The following SHANK2 variants were observed in gnomAD, a reference collection of about 807,000 sequenced individuals.
SHANK2 encodes SH3 and multiple ankyrin repeat domains 2.
Under a neutral mutation model 133.7 loss-of-function variants are expected in SHANK2, and 43 were observed. That is an observed-to-expected ratio of 0.32 (90% confidence interval 0.25 to 0.41). The LOEUF (loss-of-function observed/expected upper bound fraction) is 0.41. SHANK2 is among the 10% of genes least tolerant of loss of function. The probability of loss-of-function intolerance (pLI) is 1.00; values close to 1 mark genes in which losing one functional copy is unlikely to be tolerated. For missense variants in SHANK2, 1,994 were observed against 2,235.8 expected (o/e 0.89, Z 2.18); for synonymous variants, 1,017 against 952.8 (o/e 1.07, Z -1.24).
intron 10 of SHANK2, among the ~76,000 whole-genome samples, chr11:70,937,505 G>A (rs1205507375): frequency 2.0e-5 from 3 of 152,216 alleles, no homozygotes; most frequent in Non-Finnish European, 1.5e-5. Flanking sequence ...AACTTCCTGA[G>A]GACATTTACC....
intron 11 of SHANK2, among the ~76,000 whole-genome samples, chr11:70,865,286 G>C (rs1162628685): frequency 6.6e-6 from 1 of 152,116 alleles, no homozygotes. Flanking sequence ...TCTAGGGTCT[G>C]GCTGGCAGAC....
chr11:70,822,970 G>A (rs1339804261), intron 11 of SHANK2, among the ~76,000 whole-genome samples: 1 of 124,598 alleles, frequency 8.0e-6, no homozygotes. Context: ...GGGGACAGAG[G>A]TGGCGCTGGC....
At chr11:70,802,157 A>G (rs1948060371) in intron 13 of SHANK2, among the ~76,000 whole-genome samples, 1 of 152,140 alleles carries the variant, frequency 6.6e-6, no homozygotes, top group Non-Finnish European at 1.5e-5. Context: ...CCTGGCTAGA[A>G]AGAAGGTTCA....
chr11:70,606,123 C>G (rs373006290), intron 17 of SHANK2, among the ~76,000 whole-genome samples: 1 of 152,104 alleles, frequency 6.6e-6, no homozygotes, highest in Non-Finnish European at 1.5e-5. Context: ...GGAAGGTCAT[C>G]CAGAGCCACC....
intron 11 of SHANK2, among the ~76,000 whole-genome samples, chr11:70,844,314 T>C (rs1465774435): frequency 1.3e-5 from 2 of 152,018 alleles, no homozygotes; most frequent in Non-Finnish European, 2.9e-5. Flanking sequence ...GTTCAGTTTC[T>C]ACCTGAAATT....
At chr11:70,894,624 C>G (rs1949906241) in intron 11 of SHANK2, among the ~76,000 whole-genome samples, 1 of 152,168 alleles carries the variant, frequency 6.6e-6, no homozygotes, top group Admixed American at 6.5e-5. Flanking sequence ...ATGTGGAGAG[C>G]TGGGATAAGG....
chr11:70,834,277 A>C (rs1590739581), intron 11 of SHANK2, among the ~76,000 whole-genome samples: 1 of 152,232 alleles, frequency 6.6e-6, no homozygotes, highest in Non-Finnish European at 1.5e-5. Context: ...GGGAAGACAC[A>C]GGGGAGCACC....
intron 7 of SHANK2, among the ~76,000 whole-genome samples, chr11:71,093,836 A>T (rs1555094683): frequency 6.6e-6 from 1 of 152,192 alleles, no homozygotes; most frequent in Non-Finnish European, 1.5e-5. Context: ...GACTTTAGGG[A>T]CAGCGAGGCC....
intron 11 of SHANK2, among the ~76,000 whole-genome samples, chr11:70,889,483 C>T (rs1314090946): frequency 6.6e-6 from 1 of 152,206 alleles, no homozygotes; most frequent in Admixed American, 6.5e-5. Context: ...TCCCTGGGTC[C>T]TGAGCAGGCC....
chr11:71,165,711 C>T (rs1161148912), intron 2 of SHANK2, among the ~76,000 whole-genome samples: 1 of 152,150 alleles, frequency 6.6e-6, no homozygotes, highest in Non-Finnish European at 1.5e-5. Flanking sequence ...TGAAATACCC[C>T]CAAGTGAAAC....
chr11:70,894,589 A>G (rs1181598226), intron 11 of SHANK2, among the ~76,000 whole-genome samples: 3 of 152,190 alleles, frequency 2.0e-5, no homozygotes, highest in African/African-American at 7.2e-5. Context: ...GGTCAGGGGT[A>G]GCAGCCCCAA....
intron 2 of SHANK2, among the ~76,000 whole-genome samples, chr11:71,157,615 C>T (rs1952930258): frequency 6.6e-6 from 1 of 152,132 alleles, no homozygotes; most frequent in South Asian, 2.1e-4. Context: ...AATTGGGCCT[C>T]AGTGGGTTTC....
At position 70,473,378 on chromosome 11, in the gene SHANK2, G is replaced by A. The variant is rs1555149292; in HGVS notation, c.5041C>T (p.Arg1681Cys). ...TRSTTVTFTV[R>C]PGTSQPITLQ... The stretch of plus-strand genomic sequence containing the variant: ...GTGATGGGCTGGGAGGTGCCGGGGC[G>A]AACAGTGAAGGTGACCGTCGTGCTC... Residue 1681 changes from arginine to cysteine, a missense_variant, in exon 26 of 26, where the codon CGC becomes TGC. By Grantham distance (180) the Arg-to-Cys change is radical. This residue lies in a region of SHANK2 where 797 missense variants were observed against 907.4 expected (regional missense o/e 0.88). Transcript: ENST00000601538. This position sits in a 1 kb window ranked among gnomAD's most constrained non-coding sequence, Gnocchi z 5.9. 10 of 1,611,424 alleles carry A rather than the reference G, an allele frequency of 6.2e-6. No individual in the cohort carries two copies. The highest frequency in any genetic ancestry group is 2.2e-5 in the East Asian group (1 of 44,874).
At chr11:70,942,719 A>G (rs1555084595) in intron 10 of SHANK2, 15 of 456,446 alleles carry the variant, frequency 3.3e-5, no homozygotes. Context: ...TAAGTATCTC[A>G]CCAAGCATCA....
At chr11:71,211,642 CAAAAA>C (rs35529960) in intron 2 of SHANK2, among the ~76,000 whole-genome samples, 1 of 117,982 alleles carries the variant, frequency 8.5e-6, no homozygotes, top group Non-Finnish European at 1.9e-5. Flanking sequence ...TGAGCATTTG[CAAAAA>C]AAAAAAAAAA....
chr11:70,556,653 G>A lies in SHANK2; in HGVS notation c.2062-53722C>T, dbSNP rs1021497107. 4.0e-5 allele frequency among the ~76,000 whole-genome samples: 6 copies of A among 150,336 alleles called. No individual in the cohort carries two copies. The South Asian group carries it at 8.4e-4, about 21-fold the overall frequency. Reference sequence around the variant, plus strand: ...GTCACCCAGGCTGGAGTGCAGTGGTGTGAAATCAGCTCATTGTAGTCTCAG... The same window carrying A: ...GTCACCCAGGCTGGAGTGCAGTGGTATGAAATCAGCTCATTGTAGTCTCAG... On this transcript the variant is annotated intron_variant, in intron 17 of 25. Coordinates refer to ENST00000601538, the MANE Select transcript of SHANK2 (RefSeq NM_012309.5).
intron 17 of SHANK2, among the ~76,000 whole-genome samples, chr11:70,563,080 A>C (rs1330103330): frequency 6.6e-6 from 1 of 152,160 alleles, no homozygotes; most frequent in Non-Finnish European, 1.5e-5. Context: ...CATGTTGGCC[A>C]GCATGGTCTC....
intron 9 of SHANK2, among the ~76,000 whole-genome samples, chr11:71,072,231 G>A (rs1349755530): frequency 6.6e-6 from 1 of 150,622 alleles, no homozygotes; most frequent in Non-Finnish European, 1.5e-5. Context: ...CCACTCCACA[G>A]GCCGCCCCCA....
intron 17 of SHANK2, among the ~76,000 whole-genome samples, chr11:70,575,808 C>T (rs931818905): frequency 5.9e-5 from 9 of 151,796 alleles, no homozygotes; most frequent in Non-Finnish European, 1.0e-4. Context: ...GATGGGGTGG[C>T]AAACTTGGGG....
Sources: allele counts gnomAD v4.1 joint callset (sites outside exome capture counted in the v4.1 genomes callset), GRCh38; gene constraint gnomAD v4.1.1; regional missense constraint gnomAD v4.1.1; non-coding constraint Gnocchi (gnomAD v3.1); transcripts MANE v1.5; gene names NCBI Gene and HGNC (gene_info 2026-07-23, HGNC 2026-07-21).